The following LYN variants were observed in gnomAD, a reference collection of about 807,000 sequenced individuals.
LYN encodes LYN proto-oncogene, Src family tyrosine kinase, also known as tyrosine-protein kinase Lyn.
LYN carries 12 observed loss-of-function variants against 65.0 expected under a neutral mutation model. The ratio of observed to expected loss-of-function variants is 0.18; its 90% CI spans 0.12 to 0.30. The LOEUF is 0.30. LYN is among the 10% of genes least tolerant of loss of function. LYN has a pLI of 1.00. For missense variants in LYN, 380 were observed against 623.2 expected, an observed-to-expected ratio of 0.61 and a Z score of 4.16; for synonymous variants, 222 against 221.2, an observed-to-expected ratio of 1.00 and a Z score of -0.03.
chr8:55,976,342 A>AG (rs1451646712), intron 10 of LYN, among the ~76,000 whole-genome samples: 1 of 151,806 alleles, frequency 6.6e-6, no homozygotes, highest in African/African-American at 2.4e-5. Context: ...AAAAAAAAAA[A>AG]AAGAAGGAAG....
At chr8:55,978,248 C>T (rs905963250) in intron 10 of LYN, among the ~76,000 whole-genome samples, 5 of 152,086 alleles carry the variant, frequency 3.3e-5, no homozygotes, top group Non-Finnish European at 7.4e-5. Flanking sequence ...AAAAGTTGCC[C>T]CAGCCACCGT....
rs940800011 is a variant in LYN at position 55,979,293 on chromosome 8, C to T, written c.1050+9500C>T. On this transcript the variant is annotated intron_variant, in intron 10 of 12. Transcript: ENST00000519728. ...CCAACCTCAGGTGATCCACCCGCCTCGGCCTCCCAAAGTGCAGGGATTACA... is the reference window on the plus strand; with the variant it reads ...CCAACCTCAGGTGATCCACCCGCCTTGGCCTCCCAAAGTGCAGGGATTACA... Among the ~76,000 whole-genome samples the T allele has an allele frequency of 2.6e-5, 4 of 152,170 alleles. No homozygotes were observed. The East Asian group carries it at 7.7e-4, about 29-fold the overall frequency.
chr8:56,002,473 G>T (rs1280885527), intron 12 of LYN, among the ~76,000 whole-genome samples: 1 of 151,088 alleles, frequency 6.6e-6, no homozygotes, highest in Non-Finnish European at 1.5e-5. Context: ...GTAGCCAGGT[G>T]TGGTGGTGCA....
chr8:55,936,257 C>T (rs1806434089), intron 1 of LYN, among the ~76,000 whole-genome samples: 1 of 152,204 alleles, frequency 6.6e-6, no homozygotes, highest in African/African-American at 2.4e-5. Context: ...TTCTCTTCCT[C>T]ATGTCTTTCT....
At chr8:55,991,701 G>A (rs781058645) in intron 10 of LYN, among the ~76,000 whole-genome samples, 8 of 152,030 alleles carry the variant, frequency 5.3e-5, no homozygotes, top group South Asian at 2.1e-4. Flanking sequence ...AGGCACAGGC[G>A]TTTTCAGGAA....
intron 1 of LYN, among the ~76,000 whole-genome samples, chr8:55,890,194 C>T (rs1804918554): frequency 6.7e-6 from 1 of 150,210 alleles, no homozygotes; most frequent in Admixed American, 6.6e-5. Flanking sequence ...ATCCTATAGT[C>T]TCAACTACTC....
intron 1 of LYN, among the ~76,000 whole-genome samples, chr8:55,917,078 G>A (rs1465331826): frequency 2.0e-5 from 3 of 151,820 alleles, no homozygotes; most frequent in Non-Finnish European, 4.4e-5. Context: ...TCAGGAGGCT[G>A]AGGCACAAGA....
chr8:55,927,672 TA>T (rs1179170006), intron 1 of LYN, among the ~76,000 whole-genome samples: 1 of 151,980 alleles, frequency 6.6e-6, no homozygotes, highest in African/African-American at 2.4e-5. Flanking sequence ...CTGTCTCTAT[TA>T]AAAATACAAA....
Position 55,894,597 on chromosome 8 carries a change from AT to A in LYN, c.-6+14495del, listed in dbSNP as rs1805039954. Among the ~76,000 whole-genome samples the A allele has an allele frequency of 2.0e-5, 3 of 147,198 alleles. No individual in the cohort carries two copies. In the South Asian group the frequency reaches 6.5e-4, roughly 32 times the overall value. On this transcript the variant is annotated intron_variant, in intron 1 of 12. Transcript: ENST00000519728. ...GCCCAGGCTGGAGTTCATTGGCGCT[AT>A]CTTGGCTCACTGCAACCTCTGCCTC...
intron 12 of LYN, among the ~76,000 whole-genome samples, chr8:56,001,204 G>A: frequency 6.6e-6 from 1 of 152,210 alleles, no homozygotes; most frequent in Non-Finnish European, 1.5e-5. Flanking sequence ...CAGGAGGCCA[G>A]CGTGGTTTGG....
rs763445535 is a variant in LYN at position 55,966,671 on chromosome 8, T to A, written c.791-44T>A. 4 of 1,578,302 alleles carry A rather than the reference T, an allele frequency of 2.5e-6. No homozygotes were observed. The African/African-American group carries it at 5.4e-5, about 21-fold the overall frequency. Reference sequence around the variant, plus strand: ...GTGTGAGCCACCTCCCCCGGCTAGATTTTCTGTTTTATAAAGCATGCCCGC... The same window carrying A: ...GTGTGAGCCACCTCCCCCGGCTAGAATTTCTGTTTTATAAAGCATGCCCGC... On this transcript the variant is annotated intron_variant, in intron 8 of 12. Coordinates refer to ENST00000519728, the MANE Select transcript of LYN (RefSeq NM_002350.4).
At chr8:55,968,915 G>T (rs973191960) in intron 9 of LYN, among the ~76,000 whole-genome samples, 40 of 151,984 alleles carry the variant, frequency 2.6e-4, no homozygotes, top group African/African-American at 8.0e-4. Flanking sequence ...TAGGAGGTTG[G>T]AGAGTTTGTT....
intron 4 of LYN, among the ~76,000 whole-genome samples, chr8:55,949,402 C>G (rs1398681830): frequency 6.6e-6 from 1 of 152,224 alleles, no homozygotes; most frequent in Admixed American, 6.5e-5. Context: ...GCTTCTGTCT[C>G]TAAACATATT....
intron 1 of LYN, among the ~76,000 whole-genome samples, chr8:55,925,754 CGCT>C (rs1407867548): frequency 6.6e-6 from 1 of 152,132 alleles, no homozygotes; most frequent in African/African-American, 2.4e-5. Flanking sequence ...ACACCCTGGA[CGCT>C]GGTGACTGGT....
At chr8:55,932,281 A>G (rs1452776294) in intron 1 of LYN, among the ~76,000 whole-genome samples, 2 of 152,144 alleles carry the variant, frequency 1.3e-5, no homozygotes, top group South Asian at 4.1e-4. Flanking sequence ...AGAAACAACC[A>G]TATCTCACAT....
chr8:55,988,512 A>G (rs1405877777), intron 10 of LYN, among the ~76,000 whole-genome samples: 3 of 152,158 alleles, frequency 2.0e-5, no homozygotes, highest in African/African-American at 4.8e-5. Flanking sequence ...AGGGCTTTTG[A>G]ACATCATTAA....
chr8:55,894,369 T>G (rs1400820626), intron 1 of LYN, among the ~76,000 whole-genome samples: 1 of 89,336 alleles, frequency 1.1e-5, no homozygotes, highest in Non-Finnish European at 2.6e-5. Context: ...CAGATTAACT[T>G]TCTTAATTTT....
At chr8:55,887,581 C>CAA (rs1182869830) in intron 1 of LYN, among the ~76,000 whole-genome samples, 1 of 105,788 alleles carries the variant, frequency 9.5e-6, no homozygotes, top group African/African-American at 3.6e-5. Context: ...TATATACACA[C>CAA]ACACACACAC....
intron 10 of LYN, among the ~76,000 whole-genome samples, chr8:55,982,387 A>C (rs1381842452): frequency 1.3e-5 from 2 of 151,934 alleles, no homozygotes; most frequent in African/African-American, 2.4e-5. Flanking sequence ...TGAATCTTGG[A>C]GCAATATGGA....
Sources: allele counts gnomAD v4.1 joint callset (sites outside exome capture counted in the v4.1 genomes callset), GRCh38; gene constraint gnomAD v4.1.1; transcripts MANE v1.5; gene names NCBI Gene and HGNC (gene_info 2026-07-23, HGNC 2026-07-21).